CTTNBP2NL: variants seen among roughly 807,000 people sequenced by gnomAD.
The protein encoded by CTTNBP2NL is CTTNBP2 N-terminal like, also known as CTTNBP2 N-terminal-like protein.
Under a neutral mutation model 32.5 loss-of-function variants are expected in CTTNBP2NL, and 16 were observed. That is an observed-to-expected ratio of 0.49 (90% CI 0.33 to 0.75). The LOEUF (loss-of-function observed/expected upper bound fraction) is 0.75, where lower values mean the gene tolerates loss of function less well. Ranked by LOEUF, CTTNBP2NL falls within the 30% of genes least tolerant of loss-of-function variation. The probability of loss-of-function intolerance (pLI) is 0.02; values close to 1 mark genes in which losing one functional copy is unlikely to be tolerated. For missense variants in CTTNBP2NL, 645 were observed against 756.0 expected, an observed-to-expected ratio of 0.85 and a Z score of 1.72; for synonymous variants, 298 against 289.4, an observed-to-expected ratio of 1.03 and a Z score of -0.30.
At chr1:112,400,316 T>A (rs1042329015) in intron 1 of CTTNBP2NL, among the ~76,000 whole-genome samples, 6 of 152,192 alleles carry the variant, frequency 3.9e-5, no homozygotes, top group African/African-American at 1.4e-4. Context: ...CGTAGCTCAG[T>A]CTGTTTCCTC....
intron 1 of CTTNBP2NL, among the ~76,000 whole-genome samples, chr1:112,405,981 C>T (rs1648652823): frequency 6.7e-6 from 1 of 150,036 alleles, no homozygotes. Flanking sequence ...GTCAGGGGTT[C>T]GAGACCAGCC....
intron 2 of CTTNBP2NL, among the ~76,000 whole-genome samples, chr1:112,412,740 C>T (rs749772645): frequency 3.3e-5 from 5 of 151,358 alleles, no homozygotes; most frequent in African/African-American, 4.9e-5. Flanking sequence ...CCTCAGCCTC[C>T]TGAGTAGCTG....
At chr1:112,408,224 T>TTG (rs1452843760) in intron 1 of CTTNBP2NL, among the ~76,000 whole-genome samples, 1 of 142,236 alleles carries the variant, frequency 7.0e-6, no homozygotes, top group Non-Finnish European at 1.5e-5. Flanking sequence ...TTTTTAATTT[T>TTG]TTTTTTTTTT....
At chr1:112,454,607 C>T in intron 5 of CTTNBP2NL, 51 bp downstream of exon 5, 2 of 1,319,538 alleles carry the variant, frequency 1.5e-6, no homozygotes, top group South Asian at 1.2e-5. Flanking sequence ...ACAGCATTTC[C>T]CAAAGATTAT....
chr1:112,416,192 T>C lies in CTTNBP2NL; in HGVS notation c.27T>C (p.Pro9=). The change falls in exon 3 of 6, where the codon CCT becomes CCC. Residue 9 remains proline, a synonymous_variant. Coordinates refer to ENST00000271277, the MANE Select transcript of CTTNBP2NL (RefSeq NM_018704.3). MNLEKLSK[P]ELLTLFSILE... ...TGAATCTGGAAAAACTCAGCAAGCC[T>C]GAACTCCTGACACTATTTAGTATTC... The C allele has an allele frequency of 6.2e-7, 1 of 1,608,420 alleles. No individual in the cohort carries two copies.
chr1:112,400,525 T>C (rs2100989417), intron 1 of CTTNBP2NL, among the ~76,000 whole-genome samples: 1 of 152,188 alleles, frequency 6.6e-6, no homozygotes, highest in Admixed American at 6.5e-5. Flanking sequence ...CCAGGTGCAG[T>C]GGCTCACCTG....
chr1:112,394,183 A>T (rs1170677526), upstream of CTTNBP2NL, among the ~76,000 whole-genome samples: 2 of 151,210 alleles, frequency 1.3e-5, no homozygotes, highest in African/African-American at 4.9e-5. Context: ...AGTCTGGGAG[A>T]CAGAGCGAGA....
chr1:112,407,047 G>T lies in CTTNBP2NL; in HGVS notation c.-133-5147G>T, dbSNP rs560631608. On this transcript the variant is annotated intron_variant, in intron 1 of 5. Coordinates refer to ENST00000271277, the MANE Select transcript of CTTNBP2NL (RefSeq NM_018704.3). ...TAACTCAAAACATCTTTCCTCGTGG[G>T]ATCCTGAAATTGATTTTCTCTAAAA... 2.0e-5 allele frequency among the ~76,000 whole-genome samples: 3 copies of T among 152,228 alleles called. No homozygotes were observed. In the South Asian group the frequency reaches 6.2e-4, roughly 32 times the overall value.
intron 3 of CTTNBP2NL, among the ~76,000 whole-genome samples, chr1:112,424,733 A>AT (rs769095021): frequency 4.0e-4 from 61 of 151,674 alleles, no homozygotes; most frequent in Non-Finnish European, 7.7e-4. Context: ...GCTTTTTCAC[A>AT]TTTTTTTTGT....
At chr1:112,436,735 G>C (rs999621707) in intron 3 of CTTNBP2NL, among the ~76,000 whole-genome samples, 4 of 151,924 alleles carry the variant, frequency 2.6e-5, no homozygotes, top group Admixed American at 6.6e-5. Context: ...TGTCATGGGG[G>C]GTTGTTGTAC....
intron 3 of CTTNBP2NL, among the ~76,000 whole-genome samples, chr1:112,445,928 TC>T (rs1344672408): frequency 1.7e-4 from 26 of 152,274 alleles, no homozygotes; most frequent in African/African-American, 5.8e-4. Context: ...CAGCTCCTAC[TC>T]CTCCATCCCA....
intron 3 of CTTNBP2NL, among the ~76,000 whole-genome samples, chr1:112,417,719 A>C (rs936985934): frequency 2.6e-5 from 4 of 152,188 alleles, no homozygotes; most frequent in African/African-American, 9.7e-5. Context: ...TCTTTAAACA[A>C]TCTATTGTTA....
chr1:112,412,030 A>G (rs1648886838), intron 1 of CTTNBP2NL, among the ~76,000 whole-genome samples, 164 bp from the exon 2 acceptor site: 2 of 152,168 alleles, frequency 1.3e-5, no homozygotes, highest in African/African-American at 4.8e-5. Context: ...TATTTTTCAT[A>G]TATTATTCAA....
In CTTNBP2NL at chr1:112,447,046, G is replaced by A. The variant is rs951516597; in HGVS notation, c.100-1896G>A. Among the ~76,000 whole-genome samples the A allele has an allele frequency of 5.3e-5, 8 of 152,102 alleles. No individual in the cohort carries two copies. The South Asian group carries it at 1.0e-3, about 20-fold the overall frequency. On this transcript the variant is annotated intron_variant, in intron 3 of 5. Coordinates refer to ENST00000271277, the MANE Select transcript of CTTNBP2NL (RefSeq NM_018704.3). ...TCCCAGCACTTTGGGAGGCCAAGGC[G>A]GGTGGATCACGAGGTCGGGAGATCG...
chr1:112,438,405 CTT>C (rs577706221), intron 3 of CTTNBP2NL, among the ~76,000 whole-genome samples: 107 of 152,232 alleles, frequency 7.0e-4, no homozygotes, highest in African/African-American at 2.5e-3. Flanking sequence ...GTATCCTAGA[CTT>C]TGCTAAAGTT....
At chr1:112,440,768 C>CA (rs1049321932) in intron 3 of CTTNBP2NL, among the ~76,000 whole-genome samples, 1 of 152,124 alleles carries the variant, frequency 6.6e-6, no homozygotes, top group African/African-American at 2.4e-5. Context: ...TTGGGAAAGT[C>CA]ACGTGTTTGA....
At chr1:112,426,234 A>T (rs1473394555) in intron 3 of CTTNBP2NL, among the ~76,000 whole-genome samples, 1 of 152,166 alleles carries the variant, frequency 6.6e-6, no homozygotes, top group Non-Finnish European at 1.5e-5. Flanking sequence ...CATTAAAAGC[A>T]TAAAAATTTT....
At chr1:112,450,764 A>G (rs894484002) in intron 4 of CTTNBP2NL, among the ~76,000 whole-genome samples, 4 of 126,370 alleles carry the variant, frequency 3.2e-5, no homozygotes, top group Admixed American at 8.8e-5. Context: ...GTACCTATCT[A>G]TTCTTTTTTT....
intron 4 of CTTNBP2NL, among the ~76,000 whole-genome samples, chr1:112,449,725 G>A (rs973461012): frequency 4.5e-5 from 4 of 88,244 alleles, no homozygotes; most frequent in Non-Finnish European, 9.1e-5. Flanking sequence ...CTATTAGTGA[G>A]GGGTGTGTGT....
Sources: gnomAD v4.1 joint callset for allele counts (sites outside exome capture counted in the v4.1 genomes callset) on GRCh38, gnomAD v4.1.1 for gene constraint, MANE v1.5 for transcripts, NCBI Gene and HGNC (gene_info 2026-07-23, HGNC 2026-07-21) for gene names.